RALGPS1: variants seen among roughly 807,000 people sequenced by gnomAD.
The protein encoded by RALGPS1 is ras-specific guanine nucleotide-releasing factor RalGPS1.
RALGPS1 carries 19 observed loss-of-function variants against 78.8 expected under a neutral mutation model. That is an observed-to-expected ratio of 0.24 (90% CI 0.17 to 0.35). The LOEUF (loss-of-function observed/expected upper bound fraction) is 0.35, where lower values mean the gene tolerates loss of function less well. Among genes scored for constraint, RALGPS1 ranks in the 10% least tolerant of loss-of-function variants. The pLI is 1.00. For synonymous variants in RALGPS1, 228 were observed against 256.3 expected, an observed-to-expected ratio of 0.89 and a Z score of 1.06; for missense variants, 454 against 688.3, an observed-to-expected ratio of 0.66 and a Z score of 3.81.
At chr9:127,216,709 G>C (rs968521120) in intron 18 of RALGPS1, among the ~76,000 whole-genome samples, 2 of 152,216 alleles carry the variant, frequency 1.3e-5, no homozygotes, top group African/African-American at 4.8e-5. Context: ...TTGGTCGGCA[G>C]CCATCTCAAG....
chr9:127,089,162 G>A (rs187115250), intron 8 of RALGPS1: 1 of 1,613,088 alleles, frequency 6.2e-7, no homozygotes. Context: ...GGCAGTGAGA[G>A]GGTGTCTGGG....
At chr9:127,089,396 G>T (rs2052173871) in intron 8 of RALGPS1, among the ~76,000 whole-genome samples, 1 of 152,190 alleles carries the variant, frequency 6.6e-6, no homozygotes, top group Non-Finnish European at 1.5e-5. Context: ...TCTGTAAAAT[G>T]AGAATAAAAA....
chr9:127,179,267 T>C (rs1255432324), intron 11 of RALGPS1, among the ~76,000 whole-genome samples: 1 of 152,168 alleles, frequency 6.6e-6, no homozygotes, highest in Non-Finnish European at 1.5e-5. Flanking sequence ...TCAGACACAC[T>C]CGGGGGTCCC....
intron 11 of RALGPS1, chr9:127,178,454 C>G: frequency 9.9e-7 from 1 of 1,014,466 alleles, no homozygotes; most frequent in Non-Finnish European, 1.2e-6. Flanking sequence ...TAGCACAGTG[C>G]GCAACATAGA....
At chr9:127,170,097 GAATTT>G (rs2059491558) in intron 10 of RALGPS1, among the ~76,000 whole-genome samples, 1 of 152,132 alleles carries the variant, frequency 6.6e-6, no homozygotes, top group Admixed American at 6.5e-5. Context: ...TTGTGTCTGT[GAATTT>G]AATTAGCCAG....
intron 11 of RALGPS1, 69 bp from the exon 12 acceptor site, chr9:127,195,022 A>C (rs1588489990): frequency 1.9e-6 from 3 of 1,582,858 alleles, no homozygotes; most frequent in Non-Finnish European, 2.6e-6. Flanking sequence ...CCACACCTCA[A>C]CCCAGCCTGT....
chr9:127,006,160 A>T (rs776854769), intron 4 of RALGPS1, among the ~76,000 whole-genome samples: 28 of 152,360 alleles, frequency 1.8e-4, no homozygotes, highest in Middle Eastern at 6.8e-3. Context: ...CAAGACTAGG[A>T]TGCCCACTGT....
rs188401828 is a variant in RALGPS1 at position 127,219,688 on chromosome 9, G to A, written c.*919G>A. 4 of 152,746 alleles carry A rather than the reference G, an allele frequency of 2.6e-5. No homozygotes were observed. The East Asian group carries it at 7.7e-4, about 29-fold the overall frequency. The allele number at this position is 152,746 out of a possible 1,614,324, so 9.5% of individuals were successfully genotyped here. Reference sequence around the variant, plus strand: ...CAGAATGGGAAGTTGTGACGTTGCAGCTCCAACCGACGTGCTCATAGTGAT... The same window carrying A: ...CAGAATGGGAAGTTGTGACGTTGCAACTCCAACCGACGTGCTCATAGTGAT... On this transcript the variant is annotated 3_prime_UTR_variant, in exon 19 of 19. Transcript: ENST00000259351. This position sits in a 1 kb window ranked among gnomAD's most constrained non-coding sequence, Gnocchi z 5.0.
intron 1 of RALGPS1, among the ~76,000 whole-genome samples, chr9:126,949,636 CTTT>C (rs2037617433): frequency 6.7e-6 from 1 of 148,448 alleles, no homozygotes; most frequent in Non-Finnish European, 1.5e-5. Context: ...TGTTCATATC[CTTT>C]GCCCACTTTT....
intron 4 of RALGPS1, among the ~76,000 whole-genome samples, chr9:126,987,545 G>T (rs535289989): frequency 1.3e-5 from 2 of 152,336 alleles, no homozygotes; most frequent in East Asian, 3.9e-4. Flanking sequence ...AGGCTTACCA[G>T]AAGTCAGTGT....
chr9:126,931,579 A>T (rs1383012798), intron 1 of RALGPS1, among the ~76,000 whole-genome samples: 1 of 152,148 alleles, frequency 6.6e-6, no homozygotes, highest in Non-Finnish European at 1.5e-5. Context: ...ACCCAAAGAG[A>T]CACAGAACGT....
At chr9:126,985,451 A>G (rs1244071358) in intron 4 of RALGPS1, among the ~76,000 whole-genome samples, 3 of 152,174 alleles carry the variant, frequency 2.0e-5, no homozygotes, top group African/African-American at 7.2e-5. Flanking sequence ...GACTAATATA[A>G]TACTGATCTT....
chr9:126,958,142 A>AAAATATATATATATATATATAT (rs113413659), intron 1 of RALGPS1, among the ~76,000 whole-genome samples: 1 of 77,104 alleles, frequency 1.3e-5, no homozygotes, highest in South Asian at 5.2e-4. Context: ...AAAAAAAAAA[A>AAAATATATATATATATATATAT]ATATATATAT....
At chr9:127,108,328 G>A (rs201706693) in intron 8 of RALGPS1, 55 of 1,613,420 alleles carry the variant, frequency 3.4e-5, no homozygotes, top group Middle Eastern at 1.6e-4. Flanking sequence ...GTAGAGCTGC[G>A]TGACCCGCGA....
intron 1 of RALGPS1, among the ~76,000 whole-genome samples, chr9:126,940,871 G>A (rs888338987): frequency 1.3e-5 from 2 of 152,168 alleles, no homozygotes; most frequent in Non-Finnish European, 2.9e-5. Flanking sequence ...CCTTGTCTGT[G>A]TAAGTTCATT....
intron 8 of RALGPS1, chr9:127,087,229 T>A (rs965460425): frequency 2.0e-5 from 3 of 152,416 alleles, no homozygotes; most frequent in African/African-American, 7.2e-5. Context: ...GTGATTTAAA[T>A]GATTCTGGTG....
chr9:127,050,298 A>C lies in RALGPS1; in HGVS notation c.390+166A>C, dbSNP rs545294573. The stretch of plus-strand genomic sequence containing the variant: ...ACTTCCCTAGGCAGAGCCAGCTGTT[A>C]GACCTGCCTGGGTGCTCACTAGCCC... On this transcript the variant is annotated intron_variant, in intron 6 of 18. Coordinates refer to ENST00000259351, the MANE Select transcript of RALGPS1 (RefSeq NM_014636.3). Among the ~76,000 whole-genome samples, 28 of 152,282 alleles carry C rather than the reference A, an allele frequency of 1.8e-4. No homozygotes were observed. In the East Asian group the frequency reaches 5.2e-3, roughly 28 times the overall value.
At chr9:126,971,037 A>G (rs1194067640) in intron 3 of RALGPS1, among the ~76,000 whole-genome samples, 1 of 152,224 alleles carries the variant, frequency 6.6e-6, no homozygotes, top group African/African-American at 2.4e-5. Context: ...GGAAATGAAG[A>G]TTGAACTAGA....
At chr9:127,101,539 C>A (rs1022579202) in intron 8 of RALGPS1, among the ~76,000 whole-genome samples, 2 of 152,208 alleles carry the variant, frequency 1.3e-5, no homozygotes, top group Non-Finnish European at 2.9e-5. Context: ...TGAGCTGCAT[C>A]CCCTTTGCTA....
Sources: allele counts gnomAD v4.1 joint callset (sites outside exome capture counted in the v4.1 genomes callset), GRCh38; gene constraint gnomAD v4.1.1; non-coding constraint Gnocchi (gnomAD v3.1); transcripts MANE v1.5; gene names NCBI Gene and HGNC (gene_info 2026-07-23, HGNC 2026-07-21).